The following PNPLA7 variants were observed in gnomAD, a reference collection of about 807,000 sequenced individuals.
PNPLA7 encodes the protein patatin-like phospholipase domain-containing protein 7.
PNPLA7 carries 153 observed loss-of-function variants against 161.7 expected under a neutral mutation model. The observed-to-expected ratio is 0.95, with a 90% CI of 0.83 to 1.08. The LOEUF is 1.08. Among genes scored for constraint, PNPLA7 ranks in the 50% least tolerant of loss-of-function variants. PNPLA7 has a pLI of 0.00. For missense variants in PNPLA7, 1,739 were observed against 1,856.6 expected, an observed-to-expected ratio of 0.94 and a Z score of 1.16; for synonymous variants, 809 against 782.1, an observed-to-expected ratio of 1.03 and a Z score of -0.57.
rs1048595860 is a variant in PNPLA7, at chr9:137,523,779, A to G, written c.748-922T>C. Among the ~76,000 whole-genome samples the G allele has an allele frequency of 3.9e-5, 6 of 152,172 alleles. No homozygotes were observed. The highest frequency in any genetic ancestry group is 3.4e-3 in the Middle Eastern group (1 of 292). ...GTAGCTGGGGCTACAAGCGCCCGCC[A>G]CCACGCCCGGCTAATTTGTTTTTTG... On this transcript the variant is annotated intron_variant, in intron 8 of 34. Coordinates refer to ENST00000406427, the MANE Select transcript of PNPLA7 (RefSeq NM_001098537.3). The surrounding 1 kb of genome is among the most constrained non-coding windows in gnomAD (Gnocchi z 4.4).
chr9:137,501,045 A>C, intron 15 of PNPLA7, 149 bp from the exon 16 acceptor site: 1 of 647,206 alleles, frequency 1.5e-6, no homozygotes, highest in Non-Finnish European at 2.5e-6. Flanking sequence ...CACTGGAAAC[A>C]TTTCGGCAGC....
At chr9:137,518,761 C>T (rs1242304587) in intron 11 of PNPLA7, among the ~76,000 whole-genome samples, 1 of 57,694 alleles carries the variant, frequency 1.7e-5, no homozygotes. Context: ...CACTCACTCA[C>T]TCCACTCTGT....
At chr9:137,485,724 T>A (rs1203670050) in intron 20 of PNPLA7, among the ~76,000 whole-genome samples, 1 of 152,058 alleles carries the variant, frequency 6.6e-6, no homozygotes, top group Non-Finnish European at 1.5e-5. Flanking sequence ...CGAGTGAGGG[T>A]GTCAAGGCAG....
chr9:137,526,378 C>T (rs1441472306), intron 8 of PNPLA7, among the ~76,000 whole-genome samples: 3 of 152,112 alleles, frequency 2.0e-5, no homozygotes, highest in South Asian at 2.1e-4. Flanking sequence ...CCCGGGTTCA[C>T]GCCATTCTCC....
At chr9:137,549,999 G>A (rs1836762623) in intron 1 of PNPLA7, among the ~76,000 whole-genome samples, 169 bp downstream of exon 1, 2 of 152,242 alleles carry the variant, frequency 1.3e-5, no homozygotes, top group African/African-American at 4.8e-5. Context: ...GCTGGCAGCT[G>A]TGACAGGCAG....
chr9:137,514,612 C>T (rs1482162587), intron 12 of PNPLA7, among the ~76,000 whole-genome samples: 13 of 130,180 alleles, frequency 1.0e-4, no homozygotes, highest in Admixed American at 5.5e-4. Flanking sequence ...TTGAGGTGCC[C>T]GGGCCCTGTG....
At chr9:137,538,466 C>T (rs541676263) in intron 8 of PNPLA7, among the ~76,000 whole-genome samples, 110 of 152,194 alleles carry the variant, frequency 7.2e-4, no homozygotes, top group Admixed American at 3.3e-4. Context: ...GGCTCCAGTG[C>T]GAGGTTTCAT....
chr9:137,461,970 G>T lies in PNPLA7; in HGVS notation c.3717C>A (p.Leu1239=). ...TCTTGCTCGGCCCCTGCTGGTCGCG[G>T]AGCATCTTCTCCAGCACGCCGCTGC... ...WGRSGVLEKM[L]RDQQGPSKKP... is the part of the protein sequence containing the mutation. The change falls in exon 32 of 35, where the codon CTC becomes CTA. Residue 1239 remains leucine, a synonymous_variant. Coordinates refer to ENST00000406427, the MANE Select transcript of PNPLA7 (RefSeq NM_001098537.3). The T allele has an allele frequency of 2.5e-6, 4 of 1,595,458 alleles. No individual in the cohort carries two copies. The highest frequency in any genetic ancestry group is 3.4e-6 in the Non-Finnish European group (4 of 1,174,256).
intron 9 of PNPLA7, 29 bp downstream of exon 9, chr9:137,522,700 T>C: frequency 6.2e-7 from 1 of 1,612,152 alleles, no homozygotes; most frequent in Non-Finnish European, 8.5e-7. Flanking sequence ...CCACAGCAGC[T>C]AGAAGAGTTG....
Position 137,542,495 on chromosome 9 carries a change from A to C in PNPLA7, c.666+147T>G, listed in dbSNP as rs915935784. Reference sequence around the variant, plus strand: ...CAAAAAACTAAATAAAATGTAATAAAAAATAAAAACGGTGAGTTTTCCCCC... The same window carrying C: ...CAAAAAACTAAATAAAATGTAATAACAAATAAAAACGGTGAGTTTTCCCCC... On this transcript the variant is annotated intron_variant, in intron 7 of 34. Transcript: ENST00000406427. 5 of 975,458 alleles carry C rather than the reference A, an allele frequency of 5.1e-6. No individual in the cohort carries two copies. In the African/African-American group the frequency reaches 6.6e-5, roughly 13 times the overall value. 60.4% of individuals were successfully genotyped at this position (975,458 alleles called of 1,614,324 possible).
intron 18 of PNPLA7, among the ~76,000 whole-genome samples, chr9:137,496,953 G>T (rs1833091286): frequency 6.6e-6 from 1 of 152,214 alleles, no homozygotes; most frequent in African/African-American, 2.4e-5. Flanking sequence ...AGGTGCCTGG[G>T]AGTCCCCCAC....
chr9:137,516,490 A>G (rs1834578343), intron 11 of PNPLA7: 1 of 985,224 alleles, frequency 1.0e-6, no homozygotes, highest in African/African-American at 1.7e-5. Context: ...AAGAAATGCC[A>G]TTCAGGCAAT....
At chr9:137,487,449 C>T (rs999173531) in intron 20 of PNPLA7, among the ~76,000 whole-genome samples, 4 of 152,328 alleles carry the variant, frequency 2.6e-5, no homozygotes, top group Middle Eastern at 3.4e-3. Context: ...ATACCCAAAC[C>T]GGCAGCCCCA....
intron 25 of PNPLA7, among the ~76,000 whole-genome samples, chr9:137,474,518 G>A (rs74542030): frequency 0.011 from 1,635 of 152,284 alleles, 31 homozygotes; most frequent in African/African-American, 0.036. Flanking sequence ...TCAGGAGCGC[G>A]AGGCAGCCCT....
intron 15 of PNPLA7, among the ~76,000 whole-genome samples, chr9:137,501,201 A>G (rs978991838): frequency 6.6e-6 from 1 of 152,132 alleles, no homozygotes; most frequent in Non-Finnish European, 1.5e-5. Flanking sequence ...TCAGCCCAGC[A>G]TTCCTGTGCA....
At chr9:137,471,727 C>A (rs1455081257) in intron 25 of PNPLA7, among the ~76,000 whole-genome samples, 1 of 151,858 alleles carries the variant, frequency 6.6e-6, no homozygotes, top group Non-Finnish European at 1.5e-5. Context: ...ATCATAACTA[C>A]AGAAGGCCTA....
At chr9:137,510,393 A>C (rs1039586491) in intron 12 of PNPLA7, among the ~76,000 whole-genome samples, 4 of 152,212 alleles carry the variant, frequency 2.6e-5, no homozygotes, top group Non-Finnish European at 4.4e-5. Flanking sequence ...TAGCAGTAGT[A>C]AATTAGTGAA....
chr9:137,530,399 T>G (rs1219126083), intron 8 of PNPLA7, among the ~76,000 whole-genome samples: 1 of 152,236 alleles, frequency 6.6e-6, no homozygotes, highest in Non-Finnish European at 1.5e-5. Flanking sequence ...ATCCACACAC[T>G]CTCTCTGGCC....
Position 137,542,497 on chromosome 9 carries a change from A to T in PNPLA7, c.666+145T>A, listed in dbSNP as rs928534731. ...AAAAACTAAATAAAATGTAATAAAA[A>T]ATAAAAACGGTGAGTTTTCCCCCAA... On this transcript the variant is annotated intron_variant, in intron 7 of 34. Transcript: ENST00000406427. 14 of 981,326 alleles carry T rather than the reference A, an allele frequency of 1.4e-5. No individual in the cohort carries two copies. The African/African-American group carries it at 2.2e-4, about 15-fold the overall frequency. The allele number at this position is 981,326 out of a possible 1,614,324, so 60.8% of individuals were successfully genotyped here.
Sources: allele counts gnomAD v4.1 joint callset (sites outside exome capture counted in the v4.1 genomes callset), GRCh38; gene constraint gnomAD v4.1.1; non-coding constraint Gnocchi (gnomAD v3.1); transcripts MANE v1.5; gene names NCBI Gene and HGNC (gene_info 2026-07-23, HGNC 2026-07-21).